TRMT44: variants seen among roughly 807,000 people sequenced by gnomAD.
TRMT44 encodes probable tRNA (uracil-O(2)-)-methyltransferase.
A neutral mutation model predicts 77.3 loss-of-function variants in TRMT44; 78 were observed. The observed-to-expected ratio is 1.01, with a 90% confidence interval of 0.84 to 1.22. The LOEUF is 1.22. Among genes scored for constraint, TRMT44 ranks in the 50% most tolerant of loss-of-function variants. The pLI, the probability that TRMT44 is intolerant of heterozygous loss-of-function variation, is 0.00. For synonymous variants in TRMT44, 391 were observed against 383.3 expected (o/e 1.02, Z -0.23); for missense variants, 1,090 against 964.4 (o/e 1.13, Z -1.73).
At chr4:8,456,499 C>T (rs1725818170) in intron 6 of TRMT44, among the ~76,000 whole-genome samples, 1 of 151,384 alleles carries the variant, frequency 6.6e-6, no homozygotes, top group South Asian at 2.1e-4. Flanking sequence ...CTGCAGTTGC[C>T]CACCATTTCA....
At chr4:8,466,736 G>A (rs1726579879) in intron 8 of TRMT44, among the ~76,000 whole-genome samples, 1 of 152,182 alleles carries the variant, frequency 6.6e-6, no homozygotes, top group Non-Finnish European at 1.5e-5. Context: ...AATTGGTAGA[G>A]ACCGTGGACT....
the TRMT44 span, among the ~76,000 whole-genome samples, chr4:8,500,963 C>T: frequency 6.6e-6 from 1 of 152,164 alleles, no homozygotes; most frequent in Non-Finnish European, 1.5e-5. Context: ...GATGCTGGGA[C>T]CCCCACCCTG....
the TRMT44 span, chr4:8,512,416 CT>C: frequency 2.0e-5 from 3 of 152,264 alleles, no homozygotes; most frequent in African/African-American, 7.2e-5. Context: ...TGTATTTCAT[CT>C]TTGCATGATT....
chr4:8,499,673 T>C, the TRMT44 span, among the ~76,000 whole-genome samples: 1 of 151,964 alleles, frequency 6.6e-6, no homozygotes, highest in Non-Finnish European at 1.5e-5. Flanking sequence ...ATAAACTAAA[T>C]ACCGTGTGTT....
intron 10 of TRMT44, among the ~76,000 whole-genome samples, chr4:8,474,036 C>T (rs762875639): frequency 4.6e-5 from 7 of 152,204 alleles, no homozygotes; most frequent in East Asian, 1.9e-4. Context: ...TCCGGAGCCG[C>T]GTGGGAGGGC....
At chr4:8,479,375 TTCA>T (rs1727542131), downstream of TRMT44, 1 of 151,984 alleles carries the variant, frequency 6.6e-6, no homozygotes, top group African/African-American at 2.4e-5. Flanking sequence ...GTTAGGTGAT[TTCA>T]TCATCCTGCA....
the TRMT44 span, among the ~76,000 whole-genome samples, chr4:8,505,538 G>A: frequency 6.6e-6 from 1 of 152,210 alleles, no homozygotes; most frequent in Non-Finnish European, 1.5e-5. Context: ...CATGAGTCAC[G>A]CCCTGTGGGG....
At chr4:8,474,915 C>T (rs1327292283) in intron 10 of TRMT44, among the ~76,000 whole-genome samples, 1 of 152,210 alleles carries the variant, frequency 6.6e-6, no homozygotes, top group African/African-American at 2.4e-5. Flanking sequence ...CAGCAGCCCT[C>T]TCCTGGCCCC....
At chr4:8,467,726 G>A (rs561439021) in intron 8 of TRMT44, among the ~76,000 whole-genome samples, 188 bp from the exon 9 acceptor site, 3 of 152,296 alleles carry the variant, frequency 2.0e-5, no homozygotes, top group East Asian at 1.9e-4. Context: ...GCCTGCCTTG[G>A]GCTCCCAAAA....
chr4:8,488,606 A>G (rs1366546679), intron 2 of TRMT44, among the ~76,000 whole-genome samples: 1 of 152,156 alleles, frequency 6.6e-6, no homozygotes, highest in Non-Finnish European at 1.5e-5. Flanking sequence ...GGGGCAGGGC[A>G]TTTTCACTTC....
At chr4:8,494,481 C>T (rs1052676564), downstream of TRMT44, among the ~76,000 whole-genome samples, 1 of 152,166 alleles carries the variant, frequency 6.6e-6, no homozygotes, top group African/African-American at 2.4e-5. Flanking sequence ...GTTGTGTATT[C>T]AGTGAAAGAC....
chr4:8,503,780 G>A, the TRMT44 span, among the ~76,000 whole-genome samples: 11 of 152,310 alleles, frequency 7.2e-5, no homozygotes, highest in South Asian at 2.1e-4. Context: ...CTATGTCCCC[G>A]CATCTCTGGC....
Position 8,468,142 on chromosome 4 carries a change from C to A in TRMT44, c.1723C>A (p.His575Asn). ...TGTAACCAGGGCCTGGGCCGCTGAG[C>A]ATGGAGCAGGGCCCCAGGCTGAAGG... ...GCVTRAWAAE[H>N]GAGPQAEGPW... is the part of the protein sequence containing the mutation. The change falls in exon 9 of 11, where the codon CAT becomes AAT. Residue 575 changes from histidine (H) to asparagine (N), a missense_variant. By Grantham distance (68) the His-to-Asn change is moderately conservative. Transcript: ENST00000389737. 2 of 1,613,990 alleles carry A rather than the reference C, an allele frequency of 1.2e-6. No individual in the cohort carries two copies. The highest frequency in any genetic ancestry group is 1.7e-6 in the Non-Finnish European group (2 of 1,180,006).
In TRMT44 at chr4:8,444,502, A is replaced by C. The variant is rs1331855571; in HGVS notation, c.620-1974A>C. On this transcript the variant is annotated intron_variant, in intron 1 of 10. Coordinates refer to ENST00000389737, the MANE Select transcript of TRMT44 (RefSeq NM_152544.3). This position sits in a 1 kb window ranked among gnomAD's most constrained non-coding sequence, Gnocchi z 4.0. ...AACCTCCGCCTCCTGGGTTCGAGCGATTCTCCTAACTTAGCCTCCCAAGCA... is the reference window on the plus strand; with the variant it reads ...AACCTCCGCCTCCTGGGTTCGAGCGCTTCTCCTAACTTAGCCTCCCAAGCA... Among the ~76,000 whole-genome samples, 1 of 151,388 alleles carries C rather than the reference A, an allele frequency of 6.6e-6. No individual in the cohort carries two copies. The highest frequency in any genetic ancestry group is 1.5e-5 in the Non-Finnish European group (1 of 67,930).
In TRMT44 at chr4:8,476,353, TG is replaced by T. The variant is rs1313212040; in HGVS notation, c.*353del. ...CCTTCCCAGGGCGCTGTCCGACGCC[TG>T]CCCCACCATGTCCACATCTGTGAAG... On this transcript the variant is annotated 3_prime_UTR_variant, in exon 11 of 11. Transcript: ENST00000389737. 3 of 302,140 alleles carry T rather than the reference TG, an allele frequency of 9.9e-6. No homozygotes were observed. Among genetic ancestry groups the T allele is most frequent in the Non-Finnish European group, 1.9e-5 (3 of 160,708 alleles). 18.7% of individuals were successfully genotyped at this position (302,140 alleles called of 1,614,324 possible).
At chr4:8,484,786 T>C (rs764237413) in intron 2 of TRMT44, among the ~76,000 whole-genome samples, 2 of 152,158 alleles carry the variant, frequency 1.3e-5, no homozygotes, top group Non-Finnish European at 2.9e-5. Context: ...CAAAACCAGG[T>C]GTCTAAAGGT....
At chr4:8,454,933 A>G in intron 6 of TRMT44, 120 bp downstream of exon 6, 2 of 886,390 alleles carry the variant, frequency 2.3e-6, no homozygotes, top group Non-Finnish European at 3.7e-6. Context: ...AAACCTTCAC[A>G]TTAATCTAAG....
rs1725099701 is a variant in TRMT44, at chr4:8,446,987, GT to G, written c.734+398del. 6.6e-6 allele frequency among the ~76,000 whole-genome samples: 1 copy of G among 152,196 alleles called. No homozygotes were observed. Among genetic ancestry groups the G allele is most frequent in the Non-Finnish European group, 1.5e-5 (1 of 68,052 alleles). ...TGCAACCTCTACCTCCTGCATTTAAGTGATTCTCGTGCCTCAGTCTGCACAG... is the reference window on the plus strand; with the variant it reads ...TGCAACCTCTACCTCCTGCATTTAAGGATTCTCGTGCCTCAGTCTGCACAG... On this transcript the variant is annotated intron_variant, in intron 2 of 10. Transcript: ENST00000389737. This position sits in a 1 kb window ranked among gnomAD's most constrained non-coding sequence, Gnocchi z 4.3.
chr4:8,493,853 C>A (rs187068426), downstream of TRMT44, among the ~76,000 whole-genome samples: 12 of 151,918 alleles, frequency 7.9e-5, no homozygotes, highest in African/African-American at 2.9e-4. Flanking sequence ...AGCATAACCA[C>A]CTCTGATTTT....
Sources: allele counts gnomAD v4.1 joint callset (sites outside exome capture counted in the v4.1 genomes callset), GRCh38; gene constraint gnomAD v4.1.1; non-coding constraint Gnocchi (gnomAD v3.1); transcripts MANE v1.5; gene names NCBI Gene and HGNC (gene_info 2026-07-23, HGNC 2026-07-21).